PPP4R1: variants seen among roughly 807,000 people sequenced by gnomAD.
PPP4R1 encodes the protein protein phosphatase 4 regulatory subunit 1.
A neutral mutation model predicts 111.2 loss-of-function variants in PPP4R1; 42 were observed. The observed-to-expected ratio is 0.38, with a 90% CI of 0.29 to 0.49. The LOEUF (loss-of-function observed/expected upper bound fraction) is 0.49. Ranked by LOEUF, PPP4R1 falls within the 20% of genes least tolerant of loss-of-function variation. The pLI is 0.97. For synonymous variants in PPP4R1, 409 were observed against 405.5 expected (o/e 1.01, Z -0.10); for missense variants, 1,012 against 1,161.6 (o/e 0.87, Z 1.87).
At chr18:9,578,761 A>G (rs1234669668) in intron 9 of PPP4R1, among the ~76,000 whole-genome samples, 1 of 152,294 alleles carries the variant, frequency 6.6e-6, no homozygotes, top group East Asian at 1.9e-4. Flanking sequence ...AATAGCTTGT[A>G]TGTGTGTAAA....
At chr18:9,564,301 T>C (rs946476155) in intron 11 of PPP4R1, among the ~76,000 whole-genome samples, 1 of 152,232 alleles carries the variant, frequency 6.6e-6, no homozygotes, top group Non-Finnish European at 1.5e-5. Context: ...AACAATCCAC[T>C]TGGATGTTCA....
At chr18:9,593,440 A>G (rs1244035627) in intron 4 of PPP4R1, among the ~76,000 whole-genome samples, 2 of 152,098 alleles carry the variant, frequency 1.3e-5, no homozygotes. Context: ...AAAATAATTT[A>G]CAGCCTCCTC....
At chr18:9,564,697 GGTGTGTGT>G (rs1178823297) in intron 11 of PPP4R1, among the ~76,000 whole-genome samples, 3 of 93,572 alleles carry the variant, frequency 3.2e-5, no homozygotes, top group South Asian at 7.1e-4. Flanking sequence ...TAAAGTGCAT[GGTGTGTGT>G]GTGTGTGTGT....
Position 9,588,858 on chromosome 18 carries a change from T to C in PPP4R1, c.296-5A>G. 6.2e-7 allele frequency: 1 copy of C among 1,611,520 alleles called. No individual in the cohort carries two copies. The highest frequency in any genetic ancestry group is 8.5e-7 in the Non-Finnish European group (1 of 1,179,240). The stretch of plus-strand genomic sequence containing the variant: ...GCTCCGCTCTCACAGTTGGTTCTAT[T>C]GAAATAACGGCAATGTGAGCAAACA... On this transcript the variant is annotated splice_region_variant and splice_polypyrimidine_tract_variant and intron_variant, in intron 4 of 19. Transcript: ENST00000400556.
chr18:9,610,518 A>G (rs892429746), intron 2 of PPP4R1, among the ~76,000 whole-genome samples: 1 of 152,010 alleles, frequency 6.6e-6, no homozygotes, highest in Non-Finnish European at 1.5e-5. Flanking sequence ...GCTGGAGTGC[A>G]GTAGCACAAT....
At chr18:9,555,954 G>C (rs2066570235) in intron 15 of PPP4R1, among the ~76,000 whole-genome samples, 1 of 150,018 alleles carries the variant, frequency 6.7e-6, no homozygotes, top group Non-Finnish European at 1.5e-5. Flanking sequence ...GGCCAACACG[G>C]TGAAACCCCA....
In PPP4R1 at chr18:9,601,805, T is replaced by A. The variant is rs182097221; in HGVS notation, c.53-6652A>T. Among the ~76,000 whole-genome samples, 403 of 152,250 alleles carry A rather than the reference T, an allele frequency of 2.6e-3. 1 individual carries two copies. The highest frequency in any genetic ancestry group is 6.8e-3 in the Middle Eastern group (2 of 294). The stretch of plus-strand genomic sequence containing the variant: ...ACCGTGCCTGGCCAAAAGAATGGAA[T>A]TCTTAATAGGAAGAGAAAACCTAGG... On this transcript the variant is annotated intron_variant, in intron 2 of 19. Coordinates refer to ENST00000400556, the MANE Select transcript of PPP4R1 (RefSeq NM_001042388.3).
intron 19 of PPP4R1, among the ~76,000 whole-genome samples, chr18:9,548,819 G>T (rs1407678612): frequency 3.3e-5 from 5 of 152,242 alleles, no homozygotes; most frequent in Admixed American, 6.5e-5. Flanking sequence ...TGGGGAGGCT[G>T]AGGCAGAAGA....
At chr18:9,586,518 G>GT in intron 6 of PPP4R1, among the ~76,000 whole-genome samples, 1 of 152,216 alleles carries the variant, frequency 6.6e-6, no homozygotes, top group South Asian at 2.1e-4. Flanking sequence ...TTTATGTCAT[G>GT]TAAGGTTCAC....
intron 2 of PPP4R1, among the ~76,000 whole-genome samples, chr18:9,602,368 A>G (rs1408871980): frequency 9.7e-5 from 2 of 20,660 alleles, no homozygotes; most frequent in Non-Finnish European, 1.9e-4. Context: ...CATCTCTACT[A>G]AAAAAAAAAA....
intron 11 of PPP4R1, among the ~76,000 whole-genome samples, chr18:9,568,853 T>A (rs914424643): frequency 6.6e-6 from 1 of 152,086 alleles, no homozygotes; most frequent in Admixed American, 6.6e-5. Context: ...CTGGCCAATA[T>A]GGTGAAACCT....
At chr18:9,577,774 A>C (rs978758885) in intron 9 of PPP4R1, among the ~76,000 whole-genome samples, 1 of 152,250 alleles carries the variant, frequency 6.6e-6, no homozygotes, top group African/African-American at 2.4e-5. Flanking sequence ...ACTATGAAAC[A>C]TTTGCATAGA....
At chr18:9,572,104 C>T (rs2066871761) in intron 10 of PPP4R1, among the ~76,000 whole-genome samples, 1 of 152,086 alleles carries the variant, frequency 6.6e-6, no homozygotes, top group Non-Finnish European at 1.5e-5. Flanking sequence ...AAAACAGTTT[C>T]ACAAGAAAGC....
intron 2 of PPP4R1, among the ~76,000 whole-genome samples, chr18:9,604,662 T>C (rs1343800936): frequency 6.6e-6 from 1 of 152,196 alleles, no homozygotes; most frequent in Admixed American, 6.5e-5. Flanking sequence ...TTCCTTTTAA[T>C]TCCCTGCCGT....
At chr18:9,573,289 T>C (rs1237820117) in intron 10 of PPP4R1, among the ~76,000 whole-genome samples, 1 of 152,194 alleles carries the variant, frequency 6.6e-6, no homozygotes, top group East Asian at 1.9e-4. Flanking sequence ...ACTACAGTTA[T>C]ATATTAACAT....
chr18:9,614,086 T>C lies in PPP4R1; in HGVS notation c.52+140A>G, dbSNP rs1011167414. The C allele has an allele frequency of 2.5e-5, 16 of 648,794 alleles. No individual in the cohort carries two copies. In the African/African-American group the frequency reaches 3.2e-4, roughly 13 times the overall value. 40.2% of individuals were successfully genotyped at this position (648,794 alleles called of 1,614,324 possible). A position where few individuals can be genotyped will look rare whatever the true frequency, so the allele number is the denominator to read the frequency against. On this transcript the variant is annotated intron_variant, in intron 2 of 19. Coordinates refer to ENST00000400556, the MANE Select transcript of PPP4R1 (RefSeq NM_001042388.3). The surrounding 1 kb of genome is among the most constrained non-coding windows in gnomAD (Gnocchi z 4.1). ...ACGGACGCGAGATTTTCCCCCCCGA[T>C]CGCCACCCCAGCCCGCCTGGGGCCG...
At chr18:9,552,962 T>G (rs1311916105) in intron 16 of PPP4R1, among the ~76,000 whole-genome samples, 1 of 152,154 alleles carries the variant, frequency 6.6e-6, no homozygotes, top group Non-Finnish European at 1.5e-5. Flanking sequence ...AATCCATAGA[T>G]AGTAGATGCT....
intron 10 of PPP4R1, among the ~76,000 whole-genome samples, chr18:9,572,147 C>G (rs1051724834): frequency 1.3e-4 from 20 of 152,028 alleles, no homozygotes; most frequent in African/African-American, 4.3e-4. Context: ...GTTGAGTTAG[C>G]TATCCACGTT....
chr18:9,611,180 G>A (rs928937842), intron 2 of PPP4R1, among the ~76,000 whole-genome samples: 1 of 152,114 alleles, frequency 6.6e-6, no homozygotes. Flanking sequence ...CAAGATTCTA[G>A]AGCTTGACCA....
Sources: gnomAD v4.1 joint callset for allele counts (sites outside exome capture counted in the v4.1 genomes callset) on GRCh38, gnomAD v4.1.1 for gene constraint, Gnocchi (gnomAD v3.1) non-coding constraint, MANE v1.5 for transcripts, NCBI Gene and HGNC (gene_info 2026-07-23, HGNC 2026-07-21) for gene names.